Variants in SLC25A21 observed in about 807,000 individuals in gnomAD.
SLC25A21 encodes solute carrier family 25 member 21.
A neutral mutation model predicts 43.8 loss-of-function variants in SLC25A21; 47 were observed. That is an observed-to-expected ratio of 1.07 (90% CI 0.85 to 1.37). SLC25A21 has a LOEUF of 1.37. Ranked by LOEUF, SLC25A21 falls within the 40% of genes most tolerant of loss-of-function variation. The pLI, the probability that SLC25A21 is intolerant of heterozygous loss-of-function variation, is 0.00. For missense variants in SLC25A21, 352 were observed against 350.2 expected, an observed-to-expected ratio of 1.00 and a Z score of -0.04; for synonymous variants, 131 against 121.3, an observed-to-expected ratio of 1.08 and a Z score of -0.52.
chr14:37,015,492 C>A (rs1367414987), intron 1 of SLC25A21, among the ~76,000 whole-genome samples: 3 of 151,986 alleles, frequency 2.0e-5, no homozygotes, highest in Non-Finnish European at 4.4e-5. Context: ...AATAGTGCCA[C>A]AATAGACATA....
intron 1 of SLC25A21, among the ~76,000 whole-genome samples, chr14:37,170,566 A>C (rs1258033875): frequency 6.6e-6 from 1 of 152,104 alleles, no homozygotes; most frequent in Non-Finnish European, 1.5e-5. Context: ...ATTTGACCAA[A>C]AATGGTAAAT....
chr14:36,695,634 G>GT (rs1882984583), intron 7 of SLC25A21, among the ~76,000 whole-genome samples: 1 of 152,092 alleles, frequency 6.6e-6, no homozygotes, highest in Non-Finnish European at 1.5e-5. Flanking sequence ...CACATTCCTT[G>GT]TAAGTTTGAT....
chr14:36,959,472 C>G (rs1959432622), intron 1 of SLC25A21, among the ~76,000 whole-genome samples: 1 of 152,086 alleles, frequency 6.6e-6, no homozygotes, highest in Admixed American at 6.5e-5. Flanking sequence ...ATAAAATCCG[C>G]AAACCTGAGC....
intron 1 of SLC25A21, among the ~76,000 whole-genome samples, chr14:36,879,593 C>T (rs551158554): frequency 6.6e-6 from 1 of 152,242 alleles, no homozygotes; most frequent in South Asian, 2.1e-4. Flanking sequence ...TGAACTTTTA[C>T]CTTGGGATAG....
chr14:36,846,341 C>G (rs1261885139), intron 2 of SLC25A21, among the ~76,000 whole-genome samples: 1 of 152,112 alleles, frequency 6.6e-6, no homozygotes, highest in Admixed American at 6.6e-5. Context: ...AAAATAAATG[C>G]TTAGAAACCC....
At chr14:36,699,469 C>G (rs1242524540) in intron 7 of SLC25A21, among the ~76,000 whole-genome samples, 1 of 152,200 alleles carries the variant, frequency 6.6e-6, no homozygotes, top group Non-Finnish European at 1.5e-5. Flanking sequence ...GGGAGAACAA[C>G]TGCTCTTTTC....
chr14:37,002,615 A>G (rs1435489412), intron 1 of SLC25A21, among the ~76,000 whole-genome samples: 1 of 152,190 alleles, frequency 6.6e-6, no homozygotes, highest in Non-Finnish European at 1.5e-5. Context: ...CAGCATAGTA[A>G]TAGGTGCTGA....
At chr14:36,780,940 T>C (rs1460398938) in intron 3 of SLC25A21, among the ~76,000 whole-genome samples, 3 of 152,150 alleles carry the variant, frequency 2.0e-5, no homozygotes, top group Non-Finnish European at 2.9e-5. Flanking sequence ...CCCCTATGAT[T>C]ATTGTATTGC....
chr14:36,894,302 T>A (rs1462002443), intron 1 of SLC25A21, among the ~76,000 whole-genome samples: 1 of 152,194 alleles, frequency 6.6e-6, no homozygotes, highest in Non-Finnish European at 1.5e-5. Context: ...TTTGAAGCAA[T>A]TGTGAATGGG....
intron 2 of SLC25A21, among the ~76,000 whole-genome samples, chr14:36,862,137 T>C (rs1205936757): frequency 1.3e-5 from 2 of 152,134 alleles, no homozygotes; most frequent in Admixed American, 6.5e-5. Context: ...TATGGAGAAA[T>C]AGGAATGCTT....
intron 3 of SLC25A21, among the ~76,000 whole-genome samples, chr14:36,796,388 T>G (rs1887672635): frequency 1.0e-5 from 1 of 97,792 alleles, no homozygotes; most frequent in South Asian, 3.5e-4. Context: ...TCTCTTTCTC[T>G]TTCTTTCTCT....
intron 1 of SLC25A21, among the ~76,000 whole-genome samples, chr14:36,979,867 C>A (rs1268108938): frequency 6.6e-6 from 1 of 152,136 alleles, no homozygotes; most frequent in African/African-American, 2.4e-5. Context: ...ATCTGCAGAA[C>A]TATAATCCAG....
intron 3 of SLC25A21, among the ~76,000 whole-genome samples, chr14:36,753,892 A>G (rs997940278): frequency 6.7e-6 from 1 of 149,338 alleles, no homozygotes; most frequent in Admixed American, 6.7e-5. Flanking sequence ...TTTCCATACA[A>G]TCTTGAGATG....
intron 1 of SLC25A21, among the ~76,000 whole-genome samples, chr14:36,886,299 A>C (rs1046027318): frequency 1.3e-5 from 2 of 152,214 alleles, no homozygotes; most frequent in Admixed American, 1.3e-4. Flanking sequence ...AATATTATAC[A>C]CACTGAATTG....
intron 1 of SLC25A21, among the ~76,000 whole-genome samples, chr14:37,004,050 A>G (rs923417733): frequency 5.9e-5 from 9 of 152,056 alleles, no homozygotes; most frequent in African/African-American, 1.9e-4. Context: ...TCCCCCCACC[A>G]GGCATCATTC....
At chr14:36,810,409 A>G (rs911222261) in intron 3 of SLC25A21, among the ~76,000 whole-genome samples, 4 of 152,308 alleles carry the variant, frequency 2.6e-5, no homozygotes, top group African/African-American at 7.2e-5. Context: ...TAATGCTGAC[A>G]TTACTGTTTT....
intron 7 of SLC25A21, among the ~76,000 whole-genome samples, chr14:36,691,049 C>T (rs1329680260): frequency 2.0e-5 from 3 of 152,134 alleles, no homozygotes; most frequent in Non-Finnish European, 2.9e-5. Context: ...CCAGAGCAGA[C>T]GAGGTACCTG....
chr14:37,121,626 A>G (rs922935203), intron 1 of SLC25A21, among the ~76,000 whole-genome samples: 5 of 152,018 alleles, frequency 3.3e-5, no homozygotes, highest in African/African-American at 1.2e-4. Flanking sequence ...CATCTCTACT[A>G]AAAATACAAA....
chr14:37,156,847 C>T (rs1316482796), intron 1 of SLC25A21, among the ~76,000 whole-genome samples: 3 of 151,906 alleles, frequency 2.0e-5, no homozygotes, highest in Non-Finnish European at 4.4e-5. Context: ...ACTTCAACAC[C>T]CTACTTTCAT....
Sources: gnomAD v4.1 joint callset for allele counts (sites outside exome capture counted in the v4.1 genomes callset) on GRCh38, gnomAD v4.1.1 for gene constraint, MANE v1.5 for transcripts, NCBI Gene and HGNC (gene_info 2026-07-23, HGNC 2026-07-21) for gene names.